PDXDC1: variants seen among roughly 807,000 people sequenced by gnomAD.
PDXDC1 encodes the protein pyridoxal dependent decarboxylase domain containing 1, also known as pyridoxal-dependent decarboxylase domain-containing protein 1.
PDXDC1 carries 42 observed loss-of-function variants against 100.1 expected under a neutral mutation model. That is an observed-to-expected ratio of 0.42 (90% CI 0.33 to 0.54). The LOEUF is 0.54. Among genes scored for constraint, PDXDC1 ranks in the 20% least tolerant of loss-of-function variants. The probability of loss-of-function intolerance (pLI) is 0.10; values close to 1 mark genes in which losing one functional copy is unlikely to be tolerated. For synonymous variants in PDXDC1, 260 were observed against 371.7 expected, an observed-to-expected ratio of 0.70 and a Z score of 3.46; for missense variants, 636 against 979.2, an observed-to-expected ratio of 0.65 and a Z score of 4.68.
rs142662382 is a variant in PDXDC1 at position 15,072,801 on chromosome 16, G to A, written c.1399+42745G>A. 475 of 782,638 alleles carry A rather than the reference G, an allele frequency of 6.1e-4. 4 individuals are homozygous for A. In the Admixed American group the frequency reaches 0.012, roughly 20 times the overall value. 48.5% of individuals were successfully genotyped at this position (782,638 alleles called of 1,614,324 possible). On this transcript the variant is annotated intron_variant, in intron 16 of 16. Coordinates refer to the PDXDC1 transcript ENST00000535621. ...AAGGAAAAGAAAACAAAAAAAGAAAGGAGAATGCGATTTTATTAAGCAGAC... is the reference window on the plus strand; with the variant it reads ...AAGGAAAAGAAAACAAAAAAAGAAAAGAGAATGCGATTTTATTAAGCAGAC...
chr16:15,132,756 T>G (rs1598260760), intron 16 of PDXDC1: 1 of 1,144,774 alleles, frequency 8.7e-7, no homozygotes, highest in Non-Finnish European at 1.3e-6. Context: ...ATCTGCTGGA[T>G]GTCATCCACA....
chr16:15,085,677 C>A (rs1197461349), intron 16 of PDXDC1: 1 of 1,613,440 alleles, frequency 6.2e-7, no homozygotes, highest in Non-Finnish European at 8.5e-7. Context: ...ATCTACATCG[C>A]CTTCCTTAAT....
chr16:15,094,655 T>C (rs953410886), intron 16 of PDXDC1: 10 of 255,086 alleles, frequency 3.9e-5, no homozygotes, highest in South Asian at 1.2e-4. Flanking sequence ...CGAACCCGGC[T>C]GACCCAGGAG....
At chr16:15,091,280 T>A in intron 16 of PDXDC1, 2 of 1,604,200 alleles carry the variant, frequency 1.2e-6, no homozygotes, top group Middle Eastern at 4.5e-4. Flanking sequence ...ACAGTGGCAA[T>A]AATTTTGCTA....
intron 1 of PDXDC1, among the ~76,000 whole-genome samples, chr16:14,981,632 G>A (rs1244886233): frequency 6.6e-6 from 1 of 152,280 alleles, no homozygotes; most frequent in East Asian, 1.9e-4. Context: ...TGTGTGAACT[G>A]ACACTGCAGT....
intron 16 of PDXDC1, chr16:15,130,367 C>A (rs773089895): frequency 5.1e-6 from 8 of 1,567,596 alleles, no homozygotes; most frequent in Non-Finnish European, 5.2e-6. Flanking sequence ...GGCACAGGGA[C>A]GTGTACAGGC....
intron 1 of PDXDC1, among the ~76,000 whole-genome samples, chr16:14,993,140 T>TTTTAATTTTTTAAAATTATAC (rs1971220653): frequency 1.3e-5 from 2 of 152,274 alleles, no homozygotes; most frequent in Non-Finnish European, 2.9e-5. Flanking sequence ...AAAATTTTTT[T>TTTTAATTTTTTAAAATTATAC]TTTAATTTTT....
At chr16:14,984,495 A>ATTTTTTTTTTTTT (rs1159521017) in intron 1 of PDXDC1, among the ~76,000 whole-genome samples, 1 of 73,500 alleles carries the variant, frequency 1.4e-5, no homozygotes, top group African/African-American at 5.0e-5. Flanking sequence ...ATATATATAT[A>ATTTTTTTTTTTTT]TTTTTTTTTT....
chr16:15,103,492 T>C lies in PDXDC1; in HGVS notation c.1400-35387T>C, dbSNP rs1413697049. On this transcript the variant is annotated intron_variant, in intron 16 of 16. Coordinates refer to the PDXDC1 transcript ENST00000535621. ...TAGACCACCCCTTGGGTATATCTAA[T>C]GTAAGTGATATTTATTTTATTTATT... 4.0e-5 allele frequency: 24 copies of C among 593,002 alleles called. No homozygotes were observed. In the East Asian group the frequency reaches 6.7e-4, roughly 17 times the overall value. 36.7% of individuals were successfully genotyped at this position (593,002 alleles called of 1,614,324 possible).
At chr16:15,035,046 C>G (rs2043319750) in intron 21 of PDXDC1, among the ~76,000 whole-genome samples, 1 of 152,136 alleles carries the variant, frequency 6.6e-6, no homozygotes, top group Non-Finnish European at 1.5e-5. Context: ...CCTGTTCTAC[C>G]AAGGAAATAA....
chr16:14,979,737 A>G (rs1330582181), intron 1 of PDXDC1, among the ~76,000 whole-genome samples: 6 of 152,414 alleles, frequency 3.9e-5, no homozygotes, highest in African/African-American at 1.2e-4. Flanking sequence ...CTGATTTTAG[A>G]AAATTCTTTG....
At chr16:15,090,079 G>A (rs1371020127) in intron 16 of PDXDC1, among the ~76,000 whole-genome samples, 5 of 151,824 alleles carry the variant, frequency 3.3e-5, no homozygotes, top group Admixed American at 6.6e-5. Context: ...GCATGGTGGC[G>A]GGTGCCTGTA....
At chr16:15,087,460 C>A in intron 16 of PDXDC1, among the ~76,000 whole-genome samples, 1 of 152,180 alleles carries the variant, frequency 6.6e-6, no homozygotes, top group Non-Finnish European at 1.5e-5. Context: ...ATCCTCTGTC[C>A]ACCGTCCCAC....
At chr16:15,094,293 A>G in intron 16 of PDXDC1, 4 of 1,395,854 alleles carry the variant, frequency 2.9e-6, no homozygotes, top group South Asian at 2.5e-5. Context: ...TTCCAGCCAC[A>G]GCCTCTGTCC....
intron 16 of PDXDC1, among the ~76,000 whole-genome samples, chr16:15,069,882 A>G (rs1242777548): frequency 6.6e-6 from 1 of 152,196 alleles, no homozygotes; most frequent in Non-Finnish European, 1.5e-5. Context: ...AGGGTTCTCA[A>G]GCTCAAATCT....
intron 16 of PDXDC1, among the ~76,000 whole-genome samples, chr16:15,099,503 G>A (rs1416770593): frequency 6.7e-6 from 1 of 149,264 alleles, no homozygotes; most frequent in Non-Finnish European, 1.5e-5. Context: ...CTTTGACCAT[G>A]TCCGTTCTTT....
chr16:14,982,495 C>T (rs1315441014), intron 1 of PDXDC1, among the ~76,000 whole-genome samples: 10 of 152,254 alleles, frequency 6.6e-5, no homozygotes, highest in South Asian at 2.1e-4. Context: ...TGGTGGCTCA[C>T]GCCTGTAGTC....
intron 1 of PDXDC1, chr16:14,990,168 C>T: frequency 2.2e-6 from 3 of 1,354,052 alleles, no homozygotes; most frequent in Non-Finnish European, 1.9e-6. Context: ...CATCGGGCCG[C>T]CAGGCGCGGG....
At chr16:15,111,181 G>A (rs187290137) in intron 16 of PDXDC1, among the ~76,000 whole-genome samples, 9 of 149,326 alleles carry the variant, frequency 6.0e-5, no homozygotes, top group African/African-American at 1.9e-4. Flanking sequence ...GACGAGGCTG[G>A]CATGTTGGCT....
Sources: gnomAD v4.1 joint callset for allele counts (sites outside exome capture counted in the v4.1 genomes callset) on GRCh38, gnomAD v4.1.1 for gene constraint, MANE v1.5 for transcripts, NCBI Gene and HGNC (gene_info 2026-07-23, HGNC 2026-07-21) for gene names.